The following AGFG1 variants were observed in gnomAD, a reference collection of about 807,000 sequenced individuals.
AGFG1 encodes the protein ArfGAP with FG repeats 1.
AGFG1 carries 10 observed loss-of-function variants against 60.6 expected under a neutral mutation model. The observed-to-expected ratio is 0.16, with a 90% confidence interval of 0.10 to 0.28. The LOEUF is 0.28. Ranked by LOEUF, AGFG1 falls within the 10% of genes least tolerant of loss-of-function variation. The pLI, the probability that AGFG1 is intolerant of heterozygous loss-of-function variation, is 1.00. For synonymous variants in AGFG1, 247 were observed against 242.9 expected (o/e 1.02, Z -0.16); for missense variants, 537 against 676.5 (o/e 0.79, Z 2.29).
At chr2:227,483,013 CT>C (rs1690516669) in intron 1 of AGFG1, among the ~76,000 whole-genome samples, 1 of 134,864 alleles carries the variant, frequency 7.4e-6, no homozygotes, top group Non-Finnish European at 1.6e-5. Flanking sequence ...AAACTGAAGA[CT>C]TAAAATGTGT....
intron 2 of AGFG1, among the ~76,000 whole-genome samples, chr2:227,505,322 T>C (rs988427624): frequency 6.6e-6 from 1 of 152,222 alleles, no homozygotes; most frequent in African/African-American, 2.4e-5. Flanking sequence ...TTTATCCTAC[T>C]TGTGGTTGAT....
chr2:227,522,226 G>A (rs533176800), intron 3 of AGFG1, among the ~76,000 whole-genome samples: 80 of 152,288 alleles, frequency 5.3e-4, no homozygotes, highest in Non-Finnish European at 7.9e-4. Flanking sequence ...TTAAGTTCAG[G>A]AAAGAAGAAA....
At chr2:227,492,190 A>T (rs1215949955) in intron 2 of AGFG1, among the ~76,000 whole-genome samples, 1 of 151,740 alleles carries the variant, frequency 6.6e-6, no homozygotes, top group Non-Finnish European at 1.5e-5. Context: ...CTTGCCTTTA[A>T]TGGGCTTCCA....
intron 2 of AGFG1, among the ~76,000 whole-genome samples, chr2:227,511,064 C>T (rs901871803): frequency 3.3e-5 from 5 of 152,112 alleles, no homozygotes; most frequent in African/African-American, 1.2e-4. Flanking sequence ...TACTTTTTCT[C>T]CTATATTATC....
At chr2:227,541,830 A>G (rs1692501116) in intron 10 of AGFG1, among the ~76,000 whole-genome samples, 1 of 152,206 alleles carries the variant, frequency 6.6e-6, no homozygotes, top group African/African-American at 2.4e-5. Context: ...ATCCATGAGC[A>G]TGGAATGTTC....
chr2:227,498,121 G>A (rs1691039371), intron 2 of AGFG1, among the ~76,000 whole-genome samples: 1 of 151,888 alleles, frequency 6.6e-6, no homozygotes, highest in Admixed American at 6.6e-5. Context: ...GTAAGATCAT[G>A]GTTTTATTTT....
intron 10 of AGFG1, among the ~76,000 whole-genome samples, chr2:227,546,490 C>A (rs1300851926): frequency 6.6e-6 from 1 of 152,212 alleles, no homozygotes. Flanking sequence ...GTGGGCTACA[C>A]CCACTGTCCA....
intron 2 of AGFG1, among the ~76,000 whole-genome samples, chr2:227,516,961 C>G (rs1475612688): frequency 6.6e-6 from 1 of 152,064 alleles, no homozygotes; most frequent in African/African-American, 2.4e-5. Context: ...ACTGATAAAT[C>G]TTTAAAAATC....
chr2:227,551,928 A>G (rs1692833315), intron 10 of AGFG1, 31 bp from the exon 11 acceptor site: 3 of 1,610,666 alleles, frequency 1.9e-6, no homozygotes, highest in South Asian at 2.2e-5. Context: ...ATCCTGTTGT[A>G]TGTAACTGAT....
rs773748824 is a variant in AGFG1, at chr2:227,472,587, C to T, written c.166C>T (p.Leu56=). 1.3e-6 allele frequency: 2 copies of T among 1,572,120 alleles called. No individual in the cohort carries two copies. Among genetic ancestry groups the T allele is most frequent in the East Asian group, 2.5e-5 (1 of 39,364 alleles). ...CGTGTGTACCTCCTGCTCCGGCAGCCTGTGAGTGCGGGGCGGCCGGGCGGG... is the reference window on the plus strand; with the variant it reads ...CGTGTGTACCTCCTGCTCCGGCAGCTTGTGAGTGCGGGGCGGCCGGGCGGG... ...SFVCTSCSGS[L]RGLNPPHRVK... Residue 56 remains leucine, a splice_region_variant and synonymous_variant, in exon 1 of 13, where the codon CTG becomes TTG. Transcript: ENST00000310078.
At chr2:227,504,621 A>ATG (rs1691259204) in intron 2 of AGFG1, among the ~76,000 whole-genome samples, 1 of 151,570 alleles carries the variant, frequency 6.6e-6, no homozygotes, top group South Asian at 2.1e-4. Context: ...TGTGCTATAC[A>ATG]AATGTTGATG....
intron 2 of AGFG1, among the ~76,000 whole-genome samples, chr2:227,504,188 A>AT (rs111498312): frequency 0.073 from 10,156 of 138,568 alleles, 543 homozygotes; most frequent in African/African-American, 0.15. Flanking sequence ...CTTGGTGTAA[A>AT]TTTTTTTTTT....
intron 11 of AGFG1, among the ~76,000 whole-genome samples, chr2:227,553,341 C>A (rs1409344830): frequency 6.6e-6 from 1 of 151,678 alleles, no homozygotes; most frequent in Non-Finnish European, 1.5e-5. Flanking sequence ...ACAAAAAATA[C>A]AAAAATTAGC....
chr2:227,517,539 G>C (rs1480940305), intron 2 of AGFG1, among the ~76,000 whole-genome samples: 1 of 152,150 alleles, frequency 6.6e-6, no homozygotes, highest in Non-Finnish European at 1.5e-5. Flanking sequence ...CATAGTGCTG[G>C]GATTACAGGC....
Position 227,548,046 on chromosome 2 carries a change from A to G in AGFG1, c.1379-3913A>G, listed in dbSNP as rs541036822. 2.8e-4 allele frequency among the ~76,000 whole-genome samples: 42 copies of G among 152,358 alleles called. No individual in the cohort carries two copies. In the South Asian group the frequency reaches 8.5e-3, roughly 31 times the overall value. On this transcript the variant is annotated intron_variant, in intron 10 of 12. Transcript: ENST00000310078. Reference sequence around the variant, plus strand: ...ATTGATACATGCTACAACATGGATGAACCTTGAAAACATTCTGCTGAGCAG... The same window carrying G: ...ATTGATACATGCTACAACATGGATGGACCTTGAAAACATTCTGCTGAGCAG...
intron 10 of AGFG1, among the ~76,000 whole-genome samples, chr2:227,539,722 C>T (rs966952648): frequency 1.7e-4 from 21 of 125,442 alleles, no homozygotes; most frequent in Middle Eastern, 6.0e-3. Context: ...TTCAGCCTAG[C>T]TGACAGAGTG....
At chr2:227,509,895 A>G (rs1260341602) in intron 2 of AGFG1, among the ~76,000 whole-genome samples, 1 of 152,214 alleles carries the variant, frequency 6.6e-6, no homozygotes, top group Non-Finnish European at 1.5e-5. Context: ...GAAGTCACAA[A>G]GTAAAAACTG....
At chr2:227,529,449 G>A (rs1313336921) in intron 5 of AGFG1, among the ~76,000 whole-genome samples, 1 of 152,044 alleles carries the variant, frequency 6.6e-6, no homozygotes, top group Non-Finnish European at 1.5e-5. Context: ...CATTAGCATT[G>A]TTTTGTAGGG....
intron 2 of AGFG1, among the ~76,000 whole-genome samples, chr2:227,492,145 A>G (rs1319136674): frequency 6.6e-6 from 1 of 152,088 alleles, no homozygotes; most frequent in Non-Finnish European, 1.5e-5. Context: ...GGGGAGCCAG[A>G]TGGTATAAAG....
Sources: allele counts gnomAD v4.1 joint callset (sites outside exome capture counted in the v4.1 genomes callset), GRCh38; gene constraint gnomAD v4.1.1; transcripts MANE v1.5; gene names NCBI Gene and HGNC (gene_info 2026-07-23, HGNC 2026-07-21).